RING1: variants seen among roughly 807,000 people sequenced by gnomAD.
RING1 encodes the protein E3 ubiquitin-protein ligase RING1.
In RING1, 8 loss-of-function variants were observed where a neutral mutation model predicts 35.0. The ratio of observed to expected loss-of-function variants is 0.23; its 90% CI spans 0.13 to 0.41. RING1 has a LOEUF of 0.41. Ranked by LOEUF, RING1 falls within the 10% of genes least tolerant of loss-of-function variation. RING1 has a pLI of 1.00. For synonymous variants in RING1, 214 were observed against 224.3 expected (o/e 0.95, Z 0.41); for missense variants, 343 against 546.8 (o/e 0.63, Z 3.72).
Position 33,208,794 on chromosome 6 carries a change from C to T in RING1, c.-29C>T, listed in dbSNP as rs560230952. On this transcript the variant is annotated 5_prime_UTR_variant, in exon 2 of 7. Transcript: ENST00000374656. The surrounding 1 kb of genome is among the most constrained non-coding windows in gnomAD (Gnocchi z 6.2). ...CTTCGCCTTCTCCTCGGCTGTGGAG[C>T]CCTGGTGGGGGGTCTGCGCCCGGTC... 2 of 1,574,800 alleles carry T rather than the reference C, an allele frequency of 1.3e-6. No homozygotes were observed. The highest frequency in any genetic ancestry group is 2.3e-5 in the South Asian group (2 of 85,854).
intron 6 of RING1, 133 bp from the exon 7 acceptor site, chr6:33,212,165 G>T: frequency 8.1e-6 from 7 of 861,660 alleles, no homozygotes; most frequent in South Asian, 6.9e-5. Flanking sequence ...GTCCTTTTTT[G>T]CCTTATCGCT....
intron 4 of RING1, among the ~76,000 whole-genome samples, chr6:33,210,407 C>T (rs112834551): frequency 3.3e-5 from 5 of 152,222 alleles, no homozygotes; most frequent in South Asian, 2.1e-4. Flanking sequence ...TTGAGACCAC[C>T]TTGAATAACA....
chr6:33,211,754 A>T lies in RING1; in HGVS notation c.871A>T (p.Thr291Ser). ...TRYVKTTGNA[T>S]VDHLSKYLAL... ...GTATGTGAAGACAACTGGGAATGCCACAGTGGACCACCTCTCCAAGTACTT... is the reference window on the plus strand; with the variant it reads ...GTATGTGAAGACAACTGGGAATGCCTCAGTGGACCACCTCTCCAAGTACTT... The change falls in exon 6 of 7, where the codon ACA becomes TCA. Residue 291 changes from threonine (T) to serine (S), a missense_variant. Coordinates refer to ENST00000374656, the MANE Select transcript of RING1 (RefSeq NM_002931.4). The surrounding 1 kb of genome is among the most constrained non-coding windows in gnomAD (Gnocchi z 6.3). 6.4e-7 allele frequency: 1 copy of T among 1,553,778 alleles called. No homozygotes were observed. Among genetic ancestry groups the T allele is most frequent in the Non-Finnish European group, 8.7e-7 (1 of 1,148,494 alleles).
chr6:33,208,757 AC>A lies in RING1; in HGVS notation c.-58-3del. 3 of 1,093,454 alleles carry A rather than the reference AC, an allele frequency of 2.7e-6. No homozygotes were observed. The highest frequency in any genetic ancestry group is 2.7e-4 in the Middle Eastern group (1 of 3,672). 67.7% of individuals were successfully genotyped at this position (1,093,454 alleles called of 1,614,324 possible). Reference sequence around the variant, plus strand: ...CTGACGCCCTCCTCCCCTTCCCCCCACCCCCAGCCTTCTTCGCCTTCTCCTC... The same window carrying A: ...CTGACGCCCTCCTCCCCTTCCCCCCACCCCAGCCTTCTTCGCCTTCTCCTC... On this transcript the variant is annotated splice_polypyrimidine_tract_variant and splice_region_variant and intron_variant, in intron 1 of 6. Transcript: ENST00000374656. This position sits in a 1 kb window ranked among gnomAD's most constrained non-coding sequence, Gnocchi z 6.2.
In RING1 at chr6:33,211,908, G is replaced by T; in HGVS notation, c.1025G>T (p.Gly342Val). The change falls in exon 6 of 7, where the codon GGT (glycine) becomes GTT (valine). Residue 342 changes from glycine (G) to valine (V), a missense_variant. Coordinates refer to ENST00000374656, the MANE Select transcript of RING1 (RefSeq NM_002931.4). This position sits in a 1 kb window ranked among gnomAD's most constrained non-coding sequence, Gnocchi z 6.3. ...CGGEGGGAGG[G>V]DGPEEPALPS... ...GGGGAGGGTGGGGGTGCCGGAGGAG[G>T]TGACGGTCCTGAGGAGCCTGCTTTG... 1 of 1,603,106 alleles carries T rather than the reference G, an allele frequency of 6.2e-7. No homozygotes were observed.
rs1775288620 is a variant in RING1 at position 33,208,529 on chromosome 6, C to CGGCGGT, written c.-168_-163dup. On this transcript the variant is annotated 5_prime_UTR_variant, in exon 1 of 7. Coordinates refer to ENST00000374656, the MANE Select transcript of RING1 (RefSeq NM_002931.4). This position sits in a 1 kb window ranked among gnomAD's most constrained non-coding sequence, Gnocchi z 6.2. ...GGCCCCAGCGCCCGGGCCATGGCGG[C>CGGCGGT]GGCGGTGGCGGGAGCTGCTGTCTGA... is the stretch of plus-strand genomic sequence containing the variant. The CGGCGGT allele has an allele frequency of 4.7e-6, 2 of 421,362 alleles. No individual in the cohort carries two copies. The highest frequency in any genetic ancestry group is 2.1e-5 in the African/African-American group (1 of 48,668). The allele number at this position is 421,362 out of a possible 1,614,324, so 26.1% of individuals were successfully genotyped here.
Sources: gnomAD v4.1 joint callset for allele counts (sites outside exome capture counted in the v4.1 genomes callset) on GRCh38, gnomAD v4.1.1 for gene constraint, Gnocchi (gnomAD v3.1) non-coding constraint, MANE v1.5 for transcripts, NCBI Gene and HGNC (gene_info 2026-07-23, HGNC 2026-07-21) for gene names.